Variants in LRRC38 observed in about 807,000 individuals in gnomAD.
LRRC38 encodes the protein leucine rich repeat containing 38.
A neutral mutation model predicts 16.4 loss-of-function variants in LRRC38; 5 were observed. The ratio of observed to expected loss-of-function variants is 0.31; its 90% CI spans 0.16 to 0.64. The LOEUF (loss-of-function observed/expected upper bound fraction) is 0.64, where lower values mean the gene tolerates loss of function less well. Ranked by LOEUF, LRRC38 falls within the 30% of genes least tolerant of loss-of-function variation. The probability of loss-of-function intolerance (pLI) is 0.80; values close to 1 mark genes in which losing one functional copy is unlikely to be tolerated. For missense variants in LRRC38, 341 were observed against 401.8 expected (o/e 0.85, Z 1.29); for synonymous variants, 191 against 190.2 (o/e 1.00, Z -0.04).
intron 1 of LRRC38, among the ~76,000 whole-genome samples, chr1:13,483,950 G>A (rs1429655384): frequency 6.6e-6 from 1 of 151,398 alleles, no homozygotes; most frequent in African/African-American, 2.4e-5. Flanking sequence ...GGAGCGGGGA[G>A]GGGAGGGGAG....
At chr1:13,477,615 C>T (rs1638803918) in intron 1 of LRRC38, among the ~76,000 whole-genome samples, 1 of 152,006 alleles carries the variant, frequency 6.6e-6, no homozygotes, top group Non-Finnish European at 1.5e-5. Context: ...AGATGAGAGA[C>T]TTACTTGAGC....
chr1:13,489,370 C>G (rs1169403876), intron 1 of LRRC38, among the ~76,000 whole-genome samples: 7 of 152,192 alleles, frequency 4.6e-5, no homozygotes, highest in Non-Finnish European at 7.3e-5. Context: ...CCACAGCCAG[C>G]CTTGGTTTCA....
At position 13,513,395 on chromosome 1, in the gene LRRC38, G is replaced by C. The variant is rs1035980391; in HGVS notation, c.199C>G (p.Arg67Gly). ...DVRKLLVAGN[R>G]IQRIPEDFFI... is the part of the protein sequence containing the mutation. Reference sequence around the variant, plus strand: ...AAGTCCTCGGGGATCCGCTGGATGCGGTTGCCGGCCACCAGCAGCTTGCGC... The same window carrying C: ...AAGTCCTCGGGGATCCGCTGGATGCCGTTGCCGGCCACCAGCAGCTTGCGC... Residue 67 changes from arginine (R) to glycine (G), a missense_variant, in exon 1 of 2, where the codon CGC becomes GGC. Coordinates refer to ENST00000376085, the MANE Select transcript of LRRC38 (RefSeq NM_001010847.2). 6.4e-7 allele frequency: 1 copy of C among 1,550,470 alleles called. No homozygotes were observed. Among genetic ancestry groups the C allele is most frequent in the Non-Finnish European group, 8.7e-7 (1 of 1,146,952 alleles).
chr1:13,485,048 C>A (rs926568400), intron 1 of LRRC38, among the ~76,000 whole-genome samples: 1 of 151,490 alleles, frequency 6.6e-6, no homozygotes, highest in African/African-American at 2.4e-5. Flanking sequence ...GAGGCTGAGG[C>A]AGGGGGATCG....
At chr1:13,481,129 C>A (rs1638848467) in intron 1 of LRRC38, among the ~76,000 whole-genome samples, 1 of 152,050 alleles carries the variant, frequency 6.6e-6, no homozygotes, top group Non-Finnish European at 1.5e-5. Context: ...TCTTCCTCCC[C>A]ACCCCCTCCA....
intron 1 of LRRC38, among the ~76,000 whole-genome samples, chr1:13,478,215 GGAAGA>G (rs1638810677): frequency 6.6e-6 from 1 of 152,162 alleles, no homozygotes. Flanking sequence ...TTTCTGATCT[GGAAGA>G]GAAGAGAAAA....
chr1:13,488,009 T>C (rs1638957938), intron 1 of LRRC38, among the ~76,000 whole-genome samples: 1 of 148,688 alleles, frequency 6.7e-6, no homozygotes, highest in Non-Finnish European at 1.5e-5. Flanking sequence ...ACTTGGCTTA[T>C]ACCTTTTCTA....
At chr1:13,491,175 C>T (rs1381738105) in intron 1 of LRRC38, among the ~76,000 whole-genome samples, 1 of 152,166 alleles carries the variant, frequency 6.6e-6, no homozygotes, top group Non-Finnish European at 1.5e-5. Context: ...GCGCCAGTAG[C>T]ATCTGGAAGG....
intron 1 of LRRC38, among the ~76,000 whole-genome samples, chr1:13,497,756 A>G (rs2100511494): frequency 6.6e-6 from 1 of 152,040 alleles, no homozygotes; most frequent in South Asian, 2.1e-4. Context: ...AGGGCAGATC[A>G]CCTGAGACCA....
intron 1 of LRRC38, among the ~76,000 whole-genome samples, chr1:13,484,946 C>T (rs1638912613): frequency 6.6e-6 from 1 of 152,208 alleles, no homozygotes. Flanking sequence ...ACCCTAGTGC[C>T]TATGCAGTTA....
chr1:13,491,628 T>G (rs1469800734), intron 1 of LRRC38, among the ~76,000 whole-genome samples: 5 of 152,184 alleles, frequency 3.3e-5, no homozygotes, highest in African/African-American at 7.2e-5. Context: ...AACTGTCCAC[T>G]TGAAAATGGC....
chr1:13,481,590 T>C (rs983753392), intron 1 of LRRC38, among the ~76,000 whole-genome samples: 1 of 151,038 alleles, frequency 6.6e-6, no homozygotes, highest in Non-Finnish European at 1.5e-5. Context: ...AGAGACGGGG[T>C]TTCACCGTGT....
chr1:13,497,203 G>A (rs553085109), intron 1 of LRRC38, among the ~76,000 whole-genome samples: 29 of 152,166 alleles, frequency 1.9e-4, no homozygotes, highest in Non-Finnish European at 3.2e-4. Context: ...GCTCTGAGCC[G>A]AGGTGGAACA....
chr1:13,481,342 GAC>G (rs1037164180), intron 1 of LRRC38, among the ~76,000 whole-genome samples: 2 of 151,972 alleles, frequency 1.3e-5, no homozygotes, highest in East Asian at 1.9e-4. Flanking sequence ...TCAGATGTGA[GAC>G]ACAGCATCTG....
At chr1:13,509,835 A>C (rs1639254810) in intron 1 of LRRC38, among the ~76,000 whole-genome samples, 1 of 152,186 alleles carries the variant, frequency 6.6e-6, no homozygotes, top group Admixed American at 6.5e-5. Context: ...TCCCACCATG[A>C]GTGAGTTACT....
At chr1:13,493,956 G>A (rs543452391) in intron 1 of LRRC38, among the ~76,000 whole-genome samples, 4 of 152,126 alleles carry the variant, frequency 2.6e-5, no homozygotes, top group Admixed American at 1.3e-4. Context: ...TCAGCTACTC[G>A]GGAAGCTGAG....
At chr1:13,507,075 T>C (rs568489261) in intron 1 of LRRC38, among the ~76,000 whole-genome samples, 1 of 152,354 alleles carries the variant, frequency 6.6e-6, no homozygotes, top group Admixed American at 6.5e-5. Context: ...TTGAACATTT[T>C]TAGAAAGATC....
intron 1 of LRRC38, among the ~76,000 whole-genome samples, chr1:13,492,922 G>A (rs2100505713): frequency 6.6e-6 from 1 of 152,166 alleles, no homozygotes; most frequent in South Asian, 2.1e-4. Context: ...CCCTGACCCA[G>A]GCCTAACCTC....
intron 1 of LRRC38, among the ~76,000 whole-genome samples, chr1:13,489,132 C>A (rs565055929): frequency 5.8e-4 from 88 of 152,294 alleles, no homozygotes; most frequent in Non-Finnish European, 7.2e-4. Context: ...CTCCCATGGC[C>A]TAGAGGAAGG....
Sources: gnomAD v4.1 joint callset for allele counts (sites outside exome capture counted in the v4.1 genomes callset) on GRCh38, gnomAD v4.1.1 for gene constraint, MANE v1.5 for transcripts, NCBI Gene and HGNC (gene_info 2026-07-23, HGNC 2026-07-21) for gene names.